Variants in MAL2 observed in about 807,000 individuals in gnomAD.
MAL2 encodes the protein protein MAL2.
A neutral mutation model predicts 18.1 loss-of-function variants in MAL2; 17 were observed. That is an observed-to-expected ratio of 0.94 (90% confidence interval 0.64 to 1.41). The LOEUF (loss-of-function observed/expected upper bound fraction) is 1.41, where lower values mean the gene tolerates loss of function less well. Ranked by LOEUF, MAL2 falls within the 40% of genes most tolerant of loss-of-function variation. The pLI is 0.00. For missense variants in MAL2, 222 were observed against 231.9 expected (o/e 0.96, Z 0.28); for synonymous variants, 102 against 102.3 (o/e 1.00, Z 0.02).
chr8:119,225,788 CCTGA>C (rs1302783017), intron 2 of MAL2, among the ~76,000 whole-genome samples: 2 of 152,138 alleles, frequency 1.3e-5, no homozygotes, highest in African/African-American at 4.8e-5. Flanking sequence ...CCTGTTGTTT[CCTGA>C]CTTTTTAATG....
intron 2 of MAL2, among the ~76,000 whole-genome samples, chr8:119,225,722 T>TTAC (rs1454778502): frequency 1.2e-4 from 19 of 152,198 alleles, no homozygotes; most frequent in African/African-American, 3.9e-4. Context: ...TTGAACTAGT[T>TTAC]TACATTCCCA....
At chr8:119,232,402 G>A (rs1032833436) in intron 2 of MAL2, among the ~76,000 whole-genome samples, 1 of 152,084 alleles carries the variant, frequency 6.6e-6, no homozygotes, top group Non-Finnish European at 1.5e-5. Flanking sequence ...ATAAGGATGA[G>A]TAATAATGCA....
In MAL2 at chr8:119,208,634, G is replaced by A. The variant is rs1805832850; in HGVS notation, c.132+30G>A. 1.6e-6 allele frequency: 2 copies of A among 1,285,890 alleles called. No homozygotes were observed. Among genetic ancestry groups the A allele is most frequent in the Admixed American group, 3.9e-5 (1 of 25,904 alleles). 79.7% of individuals were successfully genotyped at this position (1,285,890 alleles called of 1,614,324 possible). On this transcript the variant is annotated intron_variant, in intron 1 of 3. Coordinates refer to ENST00000614891, the MANE Select transcript of MAL2 (RefSeq NM_052886.3). This position sits in a 1 kb window ranked among gnomAD's most constrained non-coding sequence, Gnocchi z 4.3. ...GTGGGGCCGCCGGAGCGAGGGTCGC[G>A]CGGGGAGCGAGGACAGGCGGCGGCA...
intron 2 of MAL2, among the ~76,000 whole-genome samples, chr8:119,237,166 A>G (rs186491271): frequency 0.85 from 128,969 of 151,610 alleles, 56,696 homozygotes; most frequent in Non-Finnish European, 0.97. Context: ...ACACCTCTAC[A>G]CAAATAAACT....
chr8:119,224,349 A>T (rs1817536606), intron 2 of MAL2: 1 of 152,084 alleles, frequency 6.6e-6, no homozygotes, highest in African/African-American at 2.4e-5. Context: ...TGGAACTTTA[A>T]ACAGAAGATT....
At chr8:119,214,316 C>G (rs1817310695) in intron 1 of MAL2, among the ~76,000 whole-genome samples, 1 of 152,190 alleles carries the variant, frequency 6.6e-6, no homozygotes, top group African/African-American at 2.4e-5. Context: ...TGTAAACTGC[C>G]ATAATTCTTC....
chr8:119,223,035 T>C (rs1817502413), intron 2 of MAL2, among the ~76,000 whole-genome samples: 1 of 152,198 alleles, frequency 6.6e-6, no homozygotes, highest in Non-Finnish European at 1.5e-5. Context: ...GATCATACTT[T>C]GGTGTTTAGA....
chr8:119,209,413 A>G (rs1242361453), intron 1 of MAL2, among the ~76,000 whole-genome samples: 3 of 152,188 alleles, frequency 2.0e-5, no homozygotes, highest in East Asian at 3.9e-4. Flanking sequence ...CTTTTTAGGT[A>G]GCACTTGAAC....
intron 2 of MAL2, among the ~76,000 whole-genome samples, chr8:119,235,203 G>C (rs1817852240): frequency 6.6e-6 from 1 of 152,284 alleles, no homozygotes; most frequent in South Asian, 2.1e-4. Flanking sequence ...GGAAGAAAGG[G>C]TATCAGCAAT....
chr8:119,217,541 G>A (rs188213200), intron 1 of MAL2, among the ~76,000 whole-genome samples: 1 of 152,236 alleles, frequency 6.6e-6, no homozygotes, highest in East Asian at 1.9e-4. Flanking sequence ...TCAAATTGAG[G>A]TGCCTTTGGC....
chr8:119,237,445 A>G (rs1260856379), intron 2 of MAL2, among the ~76,000 whole-genome samples: 2 of 151,628 alleles, frequency 1.3e-5, no homozygotes, highest in Non-Finnish European at 2.9e-5. Flanking sequence ...TTATGAGGCC[A>G]GCATCATTCT....
chr8:119,232,769 TA>T (rs1240025128), intron 2 of MAL2, among the ~76,000 whole-genome samples: 6 of 152,236 alleles, frequency 3.9e-5, no homozygotes, highest in African/African-American at 1.4e-4. Flanking sequence ...ACTTGAATTT[TA>T]AAGACAGCAT....
chr8:119,231,040 T>C (rs1163435768), intron 2 of MAL2, among the ~76,000 whole-genome samples: 1 of 152,068 alleles, frequency 6.6e-6, no homozygotes, highest in Non-Finnish European at 1.5e-5. Flanking sequence ...TTTTATTTTT[T>C]GTTTGTTTTG....
chr8:119,225,106 A>G (rs1817557662), intron 2 of MAL2, among the ~76,000 whole-genome samples: 1 of 152,038 alleles, frequency 6.6e-6, no homozygotes, highest in South Asian at 2.1e-4. Flanking sequence ...ATAAACTTGC[A>G]GATAGTATTT....
chr8:119,216,145 G>A (rs1203735330), intron 1 of MAL2, among the ~76,000 whole-genome samples: 1 of 151,754 alleles, frequency 6.6e-6, no homozygotes, highest in Non-Finnish European at 1.5e-5. Flanking sequence ...TGGGTGGGGG[G>A]GCCACATACC....
rs1818109294 is a variant in MAL2, at chr8:119,244,337, A to G, written c.*849A>G. 6.6e-6 allele frequency: 1 copy of G among 152,174 alleles called. No individual in the cohort carries two copies. Among genetic ancestry groups the G allele is most frequent in the African/African-American group, 2.4e-5 (1 of 41,462 alleles). The allele number at this position is 152,174 out of a possible 1,614,324, so 9.4% of individuals were successfully genotyped here. Reference sequence around the variant, plus strand: ...AAATTTCTCAGGCAGAGTCCTGGATATAGGAAAAAGTAATTTATGAAGTAA... The same window carrying G: ...AAATTTCTCAGGCAGAGTCCTGGATGTAGGAAAAAGTAATTTATGAAGTAA... On this transcript the variant is annotated 3_prime_UTR_variant, in exon 4 of 4. Transcript: ENST00000614891.
At chr8:119,224,508 A>G (rs867231763) in intron 2 of MAL2, among the ~76,000 whole-genome samples, 1 of 152,202 alleles carries the variant, frequency 6.6e-6, no homozygotes, top group Non-Finnish European at 1.5e-5. Context: ...TCATTTGCCT[A>G]TTATGGACAT....
At chr8:119,241,498 G>T (rs138077354) in intron 3 of MAL2, among the ~76,000 whole-genome samples, 62 of 151,624 alleles carry the variant, frequency 4.1e-4, no homozygotes, top group African/African-American at 1.5e-3. Flanking sequence ...TCGGGGGAGA[G>T]AAAGATAACT....
intron 1 of MAL2, among the ~76,000 whole-genome samples, chr8:119,214,368 A>G (rs1005808366): frequency 1.3e-5 from 2 of 152,148 alleles, no homozygotes; most frequent in Non-Finnish European, 2.9e-5. Flanking sequence ...TAAGTGTTCT[A>G]TTTTATATAA....
Sources: gnomAD v4.1 joint callset for allele counts (sites outside exome capture counted in the v4.1 genomes callset) on GRCh38, gnomAD v4.1.1 for gene constraint, Gnocchi (gnomAD v3.1) non-coding constraint, MANE v1.5 for transcripts, NCBI Gene and HGNC (gene_info 2026-07-23, HGNC 2026-07-21) for gene names.